Variants in WAPL observed in about 807,000 individuals in gnomAD.
WAPL encodes wings apart-like protein homolog.
WAPL carries 5 observed loss-of-function variants against 121.0 expected under a neutral mutation model. The ratio of observed to expected loss-of-function variants is 0.04; its 90% CI spans 0.02 to 0.09. The LOEUF is 0.09. Among genes scored for constraint, WAPL ranks in the 10% least tolerant of loss-of-function variants. The pLI, the probability that WAPL is intolerant of heterozygous loss-of-function variation, is 1.00. For synonymous variants in WAPL, 480 were observed against 481.5 expected (o/e 1.00, Z 0.04); for missense variants, 999 against 1,410.8 (o/e 0.71, Z 4.68).
chr10:86,446,574 G>A, intron 15 of WAPL, 125 bp from the exon 16 acceptor site: 2 of 1,097,152 alleles, frequency 1.8e-6, no homozygotes, highest in Admixed American at 2.6e-5. Flanking sequence ...GTGATAAAAA[G>A]AGGTGAGTAT....
chr10:86,476,934 C>A (rs1270854169), intron 4 of WAPL, among the ~76,000 whole-genome samples: 1 of 152,060 alleles, frequency 6.6e-6, no homozygotes, highest in Admixed American at 6.6e-5. Flanking sequence ...ATTAAAGGAA[C>A]TTTTGGTTAT....
intron 2 of WAPL, among the ~76,000 whole-genome samples, chr10:86,512,693 G>A (rs1194821714): frequency 1.3e-5 from 2 of 152,182 alleles, no homozygotes; most frequent in Non-Finnish European, 2.9e-5. Context: ...CAAAATTAAA[G>A]ATTAGATACA....
chr10:86,485,523 C>G (rs553361080), intron 4 of WAPL, among the ~76,000 whole-genome samples: 2 of 151,774 alleles, frequency 1.3e-5, no homozygotes, highest in South Asian at 4.2e-4. Flanking sequence ...GGCAACAGAG[C>G]GAGACTCCAT....
chr10:86,456,760 T>C (rs1416182646), intron 12 of WAPL, among the ~76,000 whole-genome samples: 1 of 152,256 alleles, frequency 6.6e-6, no homozygotes, highest in Non-Finnish European at 1.5e-5. Flanking sequence ...TACCATACTG[T>C]CACTGGTAAC....
At chr10:86,514,997 C>T (rs377092144) in intron 2 of WAPL, among the ~76,000 whole-genome samples, 14 of 152,260 alleles carry the variant, frequency 9.2e-5, no homozygotes, top group East Asian at 3.9e-4. Context: ...CAGTGGCTCA[C>T]GCCTATATTC....
intron 3 of WAPL, among the ~76,000 whole-genome samples, chr10:86,499,496 T>G (rs1452909244): frequency 6.6e-6 from 1 of 152,216 alleles, no homozygotes; most frequent in Non-Finnish European, 1.5e-5. Flanking sequence ...AAGTTTAATT[T>G]ATAAATCAAG....
In WAPL at chr10:86,500,674, C is replaced by A. The variant is rs780174455; in HGVS notation, c.569G>T (p.Ser190Ile). 3.1e-6 allele frequency: 5 copies of A among 1,605,736 alleles called. No individual in the cohort carries two copies. Among genetic ancestry groups the A allele is most frequent in the Non-Finnish European group, 3.4e-6 (4 of 1,178,048 alleles). The change falls in exon 3 of 19, where the codon AGT (serine) becomes ATT (isoleucine). Residue 190 changes from serine to isoleucine, a missense_variant. By Grantham distance (142) the Ser-to-Ile change is moderately radical. This residue lies in a region of WAPL where 531 missense variants were observed against 563.1 expected (regional missense o/e 0.94). Transcript: ENST00000298767. ...SHHIHKNADD[S>I]TKKPNAETTV... is the part of the protein sequence containing the mutation. Reference sequence around the variant, plus strand: ...AGTTTCTGCATTGGGTTTCTTAGTACTGTCATCAGCATTTTTGTGAATATG... The same window carrying A: ...AGTTTCTGCATTGGGTTTCTTAGTAATGTCATCAGCATTTTTGTGAATATG...
intron 4 of WAPL, among the ~76,000 whole-genome samples, chr10:86,493,528 T>C (rs1198370822): frequency 6.6e-6 from 1 of 152,012 alleles, no homozygotes; most frequent in African/African-American, 2.4e-5. Flanking sequence ...CAAATTTTCA[T>C]TTATTTATTT....
intron 2 of WAPL, among the ~76,000 whole-genome samples, chr10:86,505,775 A>G (rs1842338370): frequency 6.6e-6 from 1 of 152,222 alleles, no homozygotes; most frequent in Non-Finnish European, 1.5e-5. Context: ...TAGGATAGAA[A>G]TACAATTTCA....
rs1254505754 is a variant in WAPL at position 86,491,059 on chromosome 10, T to TC, written c.1644+6141dup. The stretch of plus-strand genomic sequence containing the variant: ...GCCTGGGTGACAGAGCAAGACTCTG[T>TC]CTTAAATAAATAAATAAATAAATAC... On this transcript the variant is annotated intron_variant, in intron 4 of 18. Coordinates refer to ENST00000298767, the MANE Select transcript of WAPL (RefSeq NM_015045.5). 4.5e-4 allele frequency among the ~76,000 whole-genome samples: 68 copies of TC among 150,766 alleles called. 2 individuals carry two copies. Among genetic ancestry groups the TC allele is most frequent in the Admixed American group, 4.5e-3 (68 of 15,152 alleles).
chr10:86,505,760 G>C (rs1324555627), intron 2 of WAPL, among the ~76,000 whole-genome samples: 2 of 152,076 alleles, frequency 1.3e-5, no homozygotes, highest in South Asian at 2.1e-4. Flanking sequence ...ATTCTGAAGG[G>C]GAAGTAGGAT....
intron 4 of WAPL, among the ~76,000 whole-genome samples, chr10:86,483,313 T>C (rs1841837187): frequency 6.6e-6 from 1 of 151,706 alleles, no homozygotes; most frequent in Non-Finnish European, 1.5e-5. Flanking sequence ...CCAGGTACTC[T>C]GGAGGCTGAG....
rs373898840 is a variant in WAPL, at chr10:86,495,988, C to A, written c.1644+1213G>T. 3.9e-5 allele frequency among the ~76,000 whole-genome samples: 6 copies of A among 152,240 alleles called. No homozygotes were observed. The East Asian group carries it at 9.7e-4, about 25-fold the overall frequency. On this transcript the variant is annotated intron_variant, in intron 4 of 18. Coordinates refer to ENST00000298767, the MANE Select transcript of WAPL (RefSeq NM_015045.5). ...AATTAGCCAAGCATGGTGTCACATG[C>A]GTGTAATCCCAGCTACTTGGGAGGC...
chr10:86,500,009 T>C lies in WAPL; in HGVS notation c.1234A>G (p.Arg412Gly), dbSNP rs375807833. The C allele has an allele frequency of 1.9e-6, 3 of 1,614,022 alleles. No homozygotes were observed. Among genetic ancestry groups the C allele is most frequent in the African/African-American group, 1.3e-5 (1 of 74,916 alleles). Residue 412 changes from arginine to glycine, a missense_variant, in exon 3 of 19, where the codon AGA becomes GGA. Around this residue, in one of 7 missense-constraint regions of WAPL, gnomAD observed 531 missense variants for 563.1 expected, o/e 0.94. Transcript: ENST00000298767. ...GATTTAGTATTACTAGGTCGAAATC[T>C]AGTAGTAGTCTTAGAAGTTGCAATA... ...ADIATSKTTTRFRPSNTKSKK... is the reference protein window; with the variant it reads ...ADIATSKTTTGFRPSNTKSKK...
At position 86,438,907 on chromosome 10, in the gene WAPL, C is replaced by A. The variant is rs191253298; in HGVS notation, c.3412-892G>T. On this transcript the variant is annotated intron_variant, in intron 17 of 18. Transcript: ENST00000298767. ...AATCTGTTACATGGAAAACATTACA[C>A]AACCTGCTTAAAAAACTATTTCATT... 3.9e-5 allele frequency among the ~76,000 whole-genome samples: 6 copies of A among 152,276 alleles called. No homozygotes were observed. The East Asian group carries it at 9.7e-4, about 25-fold the overall frequency.
At chr10:86,484,753 C>T (rs909419913) in intron 4 of WAPL, among the ~76,000 whole-genome samples, 1 of 152,110 alleles carries the variant, frequency 6.6e-6, no homozygotes, top group African/African-American at 2.4e-5. Context: ...TTTAGATACA[C>T]AAATACTTAC....
intron 17 of WAPL, among the ~76,000 whole-genome samples, chr10:86,439,771 C>A (rs1376940866): frequency 6.6e-6 from 1 of 152,124 alleles, no homozygotes; most frequent in East Asian, 1.9e-4. Flanking sequence ...GCTCCAGTGG[C>A]AATGTGCAAT....
chr10:86,521,458 A>G lies in WAPL; in HGVS notation c.-116T>C. 2 of 315,498 alleles carry G rather than the reference A, an allele frequency of 6.3e-6. No homozygotes were observed. The highest frequency in any genetic ancestry group is 1.3e-5 in the Non-Finnish European group (2 of 155,334). 19.5% of individuals were successfully genotyped at this position (315,498 alleles called of 1,614,324 possible). A position where few individuals can be genotyped will look rare whatever the true frequency, so the allele number is the denominator to read the frequency against. On this transcript the variant is annotated 5_prime_UTR_variant, in exon 1 of 19. Coordinates refer to ENST00000298767, the MANE Select transcript of WAPL (RefSeq NM_015045.5). ...CGGGCGCGGAACCCTCGCGCGGGAG[A>G]GCAGGGCCGGCAGGTGAGAGCCGAG...
chr10:86,511,522 A>G (rs1425718254), intron 2 of WAPL, among the ~76,000 whole-genome samples: 1 of 152,226 alleles, frequency 6.6e-6, no homozygotes, highest in Non-Finnish European at 1.5e-5. Flanking sequence ...CAGATCTTCC[A>G]CTTAACAGTT....
Sources: gnomAD v4.1 joint callset for allele counts (sites outside exome capture counted in the v4.1 genomes callset) on GRCh38, gnomAD v4.1.1 for gene constraint, gnomAD v4.1.1 regional missense constraint, MANE v1.5 for transcripts, NCBI Gene and HGNC (gene_info 2026-07-23, HGNC 2026-07-21) for gene names.